PATL1: variants seen among roughly 807,000 people sequenced by gnomAD.
PATL1 encodes the protein protein PAT1 homolog 1.
Under a neutral mutation model 100.6 loss-of-function variants are expected in PATL1, and 32 were observed. That is an observed-to-expected ratio of 0.32 (90% CI 0.24 to 0.43). PATL1 has a LOEUF of 0.43. PATL1 is among the 20% of genes least tolerant of loss of function. The probability of loss-of-function intolerance (pLI) is 1.00; values close to 1 mark genes in which losing one functional copy is unlikely to be tolerated. For missense variants in PATL1, 747 were observed against 949.9 expected, an observed-to-expected ratio of 0.79 and a Z score of 2.81; for synonymous variants, 332 against 330.0, an observed-to-expected ratio of 1.01 and a Z score of -0.07.
chr11:59,641,988 T>A (rs778953486), intron 16 of PATL1, among the ~76,000 whole-genome samples: 1 of 152,092 alleles, frequency 6.6e-6, no homozygotes, highest in Non-Finnish European at 1.5e-5. Flanking sequence ...CTACTGTACA[T>A]AGAATGGCCC....
chr11:59,655,760 C>G lies in PATL1; in HGVS notation c.814-20G>C. ...CTGTAGCTACAAAGAGGAAGAAGAT[C>G]TTAGATTTAGACAATCAGCAAGTCC... On this transcript the variant is annotated intron_variant, in intron 7 of 18. Transcript: ENST00000300146. 1 of 1,559,992 alleles carries G rather than the reference C, an allele frequency of 6.4e-7. No homozygotes were observed. Among genetic ancestry groups the G allele is most frequent in the Non-Finnish European group, 8.7e-7 (1 of 1,148,930 alleles).
Position 59,639,226 on chromosome 11 carries a change from G to A in PATL1, c.2142-29C>T, listed in dbSNP as rs545859524. The A allele has an allele frequency of 5.0e-6, 8 of 1,606,398 alleles. No homozygotes were observed. In the East Asian group the frequency reaches 1.8e-4, roughly 36 times the overall value. ...ACAGGGAAGACCCATAATAATATCA[G>A]GAGAAAAAAATTTAAAAGATTACCT... On this transcript the variant is annotated intron_variant, in intron 17 of 18. Transcript: ENST00000300146.
intron 14 of PATL1, among the ~76,000 whole-genome samples, chr11:59,649,168 C>A (rs1014339497): frequency 3.3e-5 from 5 of 152,282 alleles, no homozygotes; most frequent in Non-Finnish European, 7.4e-5. Flanking sequence ...AATCTGTAAG[C>A]ACAAAAACCC....
chr11:59,653,407 G>T (rs996936070), intron 9 of PATL1, among the ~76,000 whole-genome samples: 1 of 152,068 alleles, frequency 6.6e-6, no homozygotes, highest in African/African-American at 2.4e-5. Flanking sequence ...TAACACAGGC[G>T]ATTTAGCTCT....
intron 16 of PATL1, 94 bp from the exon 17 acceptor site, chr11:59,639,477 T>C: frequency 4.2e-6 from 4 of 944,656 alleles, no homozygotes; most frequent in Non-Finnish European, 6.5e-6. Flanking sequence ...GGGGAACAGC[T>C]CTAAATCAAA....
chr11:59,638,486 A>T, intron 18 of PATL1, 75 bp from the exon 19 acceptor site: 1 of 1,323,384 alleles, frequency 7.6e-7, no homozygotes, highest in Non-Finnish European at 1.1e-6. Context: ...TATTACAGTT[A>T]CATCTTTGTA....
intron 2 of PATL1, among the ~76,000 whole-genome samples, chr11:59,664,613 T>A (rs1861663618): frequency 6.6e-6 from 1 of 152,198 alleles, no homozygotes; most frequent in African/African-American, 2.4e-5. Context: ...CTCGCTCTGT[T>A]ACCCAGGCTG....
Position 59,645,237 on chromosome 11 carries a change from C to T in PATL1, c.1894-2202G>A, listed in dbSNP as rs1329244608. 5.5e-5 allele frequency among the ~76,000 whole-genome samples: 6 copies of T among 108,210 alleles called. No individual in the cohort carries two copies. In the East Asian group the frequency reaches 1.5e-3, roughly 27 times the overall value. The allele number at this position is 108,210 out of a possible 152,430, so 71.0% of individuals were successfully genotyped here. On this transcript the variant is annotated intron_variant, in intron 15 of 18. Transcript: ENST00000300146. ...CTCAATCTTTTCCCCACCTTTCCCC[C>T]CTTTCTATTCCACAAAACCGCCATT...
rs547882820 is a variant in PATL1 at position 59,653,074 on chromosome 11, C to G, written c.1122-56G>C. ...TGGGCAAATTAATTACGCTTTTTAA[C>G]AACAGAGGAATAAACCAGGCCAGTT... On this transcript the variant is annotated intron_variant, in intron 9 of 18. Transcript: ENST00000300146. 3 of 1,385,926 alleles carry G rather than the reference C, an allele frequency of 2.2e-6. No individual in the cohort carries two copies. In the East Asian group the frequency reaches 7.1e-5, roughly 33 times the overall value. The allele number at this position is 1,385,926 out of a possible 1,614,324, so 85.9% of individuals were successfully genotyped here.
Position 59,666,975 on chromosome 11 carries a change from A to AT in PATL1, c.16-12_16-11insA. 6.5e-7 allele frequency: 1 copy of AT among 1,536,438 alleles called. No homozygotes were observed. On this transcript the variant is annotated splice_polypyrimidine_tract_variant and intron_variant, in intron 1 of 18. Transcript: ENST00000300146. ...ACAATCCTCCAAAGACTAAAAAAAA[A>AT]GAAAAGACATTAGTTATTCATGAAA...
At chr11:59,646,034 A>T (rs1011908704) in intron 15 of PATL1, among the ~76,000 whole-genome samples, 1 of 152,180 alleles carries the variant, frequency 6.6e-6, no homozygotes, top group Non-Finnish European at 1.5e-5. Flanking sequence ...CTTATCTTTT[A>T]GCACCTAGAA....
chr11:59,662,003 T>C (rs897178056), intron 2 of PATL1, among the ~76,000 whole-genome samples: 4 of 152,234 alleles, frequency 2.6e-5, no homozygotes, highest in Admixed American at 2.6e-4. Context: ...ATGTGACTAT[T>C]TAAATAAACT....
intron 2 of PATL1, among the ~76,000 whole-genome samples, chr11:59,665,397 G>C (rs1861672978): frequency 6.6e-6 from 1 of 152,200 alleles, no homozygotes. Flanking sequence ...GACTACAAAA[G>C]AATCACACAC....
rs1259307476 is a variant in PATL1, at chr11:59,659,489, A to T, written c.128-20T>A. 11 of 1,543,488 alleles carry T rather than the reference A, an allele frequency of 7.1e-6. No individual in the cohort carries two copies. Among genetic ancestry groups the T allele is most frequent in the Non-Finnish European group, 8.7e-6 (10 of 1,144,550 alleles). On this transcript the variant is annotated intron_variant, in intron 2 of 18. Coordinates refer to ENST00000300146, the MANE Select transcript of PATL1 (RefSeq NM_152716.3). ...CATCATCTATAAGATGACACAGTTC[A>T]TGTAAGAAATAGTTCATAGTGGTAC...
Position 59,642,993 on chromosome 11 carries a change from G to A in PATL1, c.1936C>T (p.His646Tyr). The change falls in exon 16 of 19, where the codon CAT becomes TAT. Residue 646 changes from histidine to tyrosine, a missense_variant. His to Tyr is a moderately conservative substitution (Grantham distance 83). Transcript: ENST00000300146. Reference sequence around the variant, plus strand: ...CTGGTGATACTCACTGATGGAAGATGATAGAGAAGGAGAGAGAAGGGACTC... The same window carrying A: ...CTGGTGATACTCACTGATGGAAGATAATAGAGAAGGAGAGAGAAGGGACTC... Reference protein sequence around the residue: ...LLSPFSLLLYHLPSVSITSLL... With the variant: ...LLSPFSLLLYYLPSVSITSLL... The A allele has an allele frequency of 6.2e-7, 1 of 1,613,968 alleles. No individual in the cohort carries two copies. The highest frequency in any genetic ancestry group is 2.2e-5 in the East Asian group (1 of 44,880).
chr11:59,668,660 C>T (rs1361788441), intron 1 of PATL1, among the ~76,000 whole-genome samples: 4 of 152,132 alleles, frequency 2.6e-5, no homozygotes, highest in Non-Finnish European at 4.4e-5. Context: ...CGGAGGCCAA[C>T]TTTCCCCAGC....
At chr11:59,657,508 T>G (rs80052730) in intron 5 of PATL1, 22 bp downstream of exon 5, 11 of 1,555,806 alleles carry the variant, frequency 7.1e-6, no homozygotes, top group East Asian at 2.3e-5. Context: ...TCCTGGGCTG[T>G]GTGCTTGTTA....
At position 59,649,536 on chromosome 11, in the gene PATL1, G is replaced by A. The variant is rs746895431; in HGVS notation, c.1659C>T (p.Ala553=). Reference sequence around the variant, plus strand: ...TTTTGTGCTTTCTGTCATCCATTAGGGCAGGTCGCTCTTCTTCCAGACTTA... The same window carrying A: ...TTTTGTGCTTTCTGTCATCCATTAGAGCAGGTCGCTCTTCTTCCAGACTTA... ...YLLSLEEERP[A]LMDDRKHKIC... is the part of the protein sequence containing the mutation. The change falls in exon 14 of 19, where the codon GCC becomes GCT. Residue 553 remains alanine, a synonymous_variant. Coordinates refer to ENST00000300146, the MANE Select transcript of PATL1 (RefSeq NM_152716.3). 6.2e-7 allele frequency: 1 copy of A among 1,613,714 alleles called. No individual in the cohort carries two copies. The highest frequency in any genetic ancestry group is 1.1e-5 in the South Asian group (1 of 91,048).
Position 59,656,782 on chromosome 11 carries a change from A to G in PATL1, c.622-182T>C, listed in dbSNP as rs141390523. Among the ~76,000 whole-genome samples the G allele has an allele frequency of 2.9e-3, 449 of 152,336 alleles. 2 individuals carry two copies. The highest frequency in any genetic ancestry group is 0.01 in the African/African-American group (428 of 41,576). On this transcript the variant is annotated intron_variant, in intron 5 of 18. Coordinates refer to ENST00000300146, the MANE Select transcript of PATL1 (RefSeq NM_152716.3). ...GGCCACTTTCTCTCACAAATCAAGTAAAGTGTCAGCATTAACTGAGGAAGA... is the reference window on the plus strand; with the variant it reads ...GGCCACTTTCTCTCACAAATCAAGTGAAGTGTCAGCATTAACTGAGGAAGA...
Sources: allele counts gnomAD v4.1 joint callset (sites outside exome capture counted in the v4.1 genomes callset), GRCh38; gene constraint gnomAD v4.1.1; transcripts MANE v1.5; gene names NCBI Gene and HGNC (gene_info 2026-07-23, HGNC 2026-07-21).